The following TNKS variants were observed in gnomAD, a reference collection of about 807,000 sequenced individuals.
The protein encoded by TNKS is tankyrase, also known as poly [ADP-ribose] polymerase tankyrase-1.
In TNKS, 72 loss-of-function variants were observed where a neutral mutation model predicts 135.8. The observed-to-expected ratio is 0.53, with a 90% CI of 0.44 to 0.64. The LOEUF is 0.64. Among genes scored for constraint, TNKS ranks in the 30% least tolerant of loss-of-function variants. The pLI is 0.00. For synonymous variants in TNKS, 849 were observed against 649.3 expected, an observed-to-expected ratio of 1.31 and a Z score of -4.68; for missense variants, 1,769 against 1,674.0, an observed-to-expected ratio of 1.06 and a Z score of -0.99.
At chr8:9,607,026 C>T (rs554595184) in intron 2 of TNKS, among the ~76,000 whole-genome samples, 16 of 152,154 alleles carry the variant, frequency 1.1e-4, no homozygotes, top group African/African-American at 3.6e-4. Flanking sequence ...TTCTAGGGGA[C>T]AAGTTCTCAA....
At chr8:9,556,930 A>G in intron 1 of TNKS, 1 of 516,954 alleles carries the variant, frequency 1.9e-6, no homozygotes, top group Non-Finnish European at 3.4e-6. Context: ...TTAGATTTGG[A>G]CAGCTTTAGA....
At position 9,730,876 on chromosome 8, in the gene TNKS, G is replaced by A. The variant is rs4428677; in HGVS notation, c.2002-14G>A. The A allele has an allele frequency of 9.8e-5, 158 of 1,609,598 alleles. No individual in the cohort carries two copies. The East Asian group carries it at 2.0e-3, about 20-fold the overall frequency. On this transcript the variant is annotated splice_polypyrimidine_tract_variant and intron_variant, in intron 13 of 26. Coordinates refer to ENST00000310430, the MANE Select transcript of TNKS (RefSeq NM_003747.3). ...GTTCGTTTTGTGTTTGTCTTTGTGT[G>A]TGCACCACGAAAGCAACTTTGCAGC...
intron 22 of TNKS, among the ~76,000 whole-genome samples, chr8:9,763,880 T>A (rs937046634): frequency 6.6e-6 from 1 of 152,188 alleles, no homozygotes; most frequent in Admixed American, 6.5e-5. Flanking sequence ...GAAAAAGGTA[T>A]GCCTAATTCT....
rs1388118764 is a variant in TNKS at position 9,779,553 on chromosome 8, G to GC, written c.*2820dup. 1 of 152,098 alleles carries GC rather than the reference G, an allele frequency of 6.6e-6. No homozygotes were observed. Among genetic ancestry groups the GC allele is most frequent in the Non-Finnish European group, 1.5e-5 (1 of 68,032 alleles). 9.4% of individuals were successfully genotyped at this position (152,098 alleles called of 1,614,324 possible). ...TACTTGACTCAGGCATAAATTAAGT[G>GC]CCCTGGTCCCGAACTTTCTCCCTGT... On this transcript the variant is annotated 3_prime_UTR_variant, in exon 27 of 27. Coordinates refer to ENST00000310430, the MANE Select transcript of TNKS (RefSeq NM_003747.3).
chr8:9,679,751 C>A (rs902770694), intron 3 of TNKS, 200 bp from the exon 4 acceptor site: 4 of 510,342 alleles, frequency 7.8e-6, no homozygotes, highest in African/African-American at 7.6e-5. Context: ...GGACAAGAAG[C>A]TGCGTCAATT....
At chr8:9,569,687 T>C (rs1007628388) in intron 1 of TNKS, among the ~76,000 whole-genome samples, 7 of 152,242 alleles carry the variant, frequency 4.6e-5, no homozygotes, top group Non-Finnish European at 8.8e-5. Flanking sequence ...TTTAGTTGTT[T>C]GATAAAAGCA....
At chr8:9,662,500 A>G (rs557835354) in intron 3 of TNKS, among the ~76,000 whole-genome samples, 29 of 152,306 alleles carry the variant, frequency 1.9e-4, no homozygotes, top group African/African-American at 7.0e-4. Flanking sequence ...CAAGGACAAA[A>G]AACCAAACAC....
intron 6 of TNKS, among the ~76,000 whole-genome samples, chr8:9,705,542 A>G (rs1804001600): frequency 6.6e-6 from 1 of 152,198 alleles, no homozygotes; most frequent in African/African-American, 2.4e-5. Context: ...TGAGACACTT[A>G]CCAGAAGAAT....
At chr8:9,704,467 G>T (rs942060437) in intron 5 of TNKS, among the ~76,000 whole-genome samples, 196 bp from the exon 6 acceptor site, 1 of 152,112 alleles carries the variant, frequency 6.6e-6, no homozygotes, top group African/African-American at 2.4e-5. Flanking sequence ...AGTGAAATAG[G>T]TGGATGGCAC....
At chr8:9,687,511 T>G (rs1803059653) in intron 5 of TNKS, among the ~76,000 whole-genome samples, 1 of 152,230 alleles carries the variant, frequency 6.6e-6, no homozygotes, top group African/African-American at 2.4e-5. Flanking sequence ...GGGAATTGCT[T>G]CTACGAAAAC....
Position 9,748,006 on chromosome 8 carries a change from C to G in TNKS, c.2644-18C>G, listed in dbSNP as rs1181540607. On this transcript the variant is annotated intron_variant, in intron 17 of 26. Transcript: ENST00000310430. The stretch of plus-strand genomic sequence containing the variant: ...TGATCTCATTCTTAACTCTTTGTAT[C>G]CTTTTCTTTTTTTTCAGCATGTTGA... 4 of 1,591,984 alleles carry G rather than the reference C, an allele frequency of 2.5e-6. No homozygotes were observed. Among genetic ancestry groups the G allele is most frequent in the East Asian group, 2.3e-5 (1 of 44,172 alleles).
At chr8:9,766,465 G>C in intron 25 of TNKS, 40 bp downstream of exon 25, 3 of 1,388,952 alleles carry the variant, frequency 2.2e-6, no homozygotes, top group Non-Finnish European at 2.9e-6. Context: ...CCCACCCCTA[G>C]GTCACGAACC....
chr8:9,642,673 T>A (rs2128777224), intron 3 of TNKS, among the ~76,000 whole-genome samples: 1 of 146,476 alleles, frequency 6.8e-6, no homozygotes, highest in East Asian at 2.1e-4. Context: ...TTTTTCTTTT[T>A]TTAGCCCTAA....
Position 9,781,033 on chromosome 8 carries a change from C to T in TNKS, c.*4297C>T, listed in dbSNP as rs1808438453. The T allele has an allele frequency of 1.3e-5, 2 of 152,114 alleles. No homozygotes were observed. The highest frequency in any genetic ancestry group is 1.3e-4 in the Admixed American group (2 of 15,266). 9.4% of individuals were successfully genotyped at this position (152,114 alleles called of 1,614,324 possible). A position where few individuals can be genotyped will look rare whatever the true frequency, so the allele number is the denominator to read the frequency against. The stretch of plus-strand genomic sequence containing the variant: ...TTTTAAAATGTAAATTATGGTTATG[C>T]TAAAGTGAAAACCTAGAGGAAGCTA... On this transcript the variant is annotated 3_prime_UTR_variant, in exon 27 of 27. Transcript: ENST00000310430.
rs1220973391 is a variant in TNKS, at chr8:9,708,229, TATC to T, written c.1457-136_1457-134del. The T allele has an allele frequency of 3.4e-5, 24 of 713,282 alleles. No individual in the cohort carries two copies. The South Asian group carries it at 4.4e-4, about 13-fold the overall frequency. 44.2% of individuals were successfully genotyped at this position (713,282 alleles called of 1,614,324 possible). ...TCTACATCCTCATCTTTTGCATTTT[TATC>T]ATCATATTATCACATTGCTGCTGTT... On this transcript the variant is annotated intron_variant, in intron 8 of 26. Transcript: ENST00000310430.
intron 3 of TNKS, among the ~76,000 whole-genome samples, chr8:9,667,148 A>G (rs115593202): frequency 3.5e-4 from 54 of 152,338 alleles, no homozygotes; most frequent in African/African-American, 1.2e-3. Context: ...GAATACTCAA[A>G]AACACTTTCT....
At position 9,672,496 on chromosome 8, in the gene TNKS, T is replaced by G. The variant is rs144482089; in HGVS notation, c.995-7455T>G. ...CTGAGTTTTTAGAGCTTTTTGGGTT[T>G]CAGATTTGCAAACAAGGGAGTGTGA... On this transcript the variant is annotated intron_variant, in intron 3 of 26. Transcript: ENST00000310430. Among the ~76,000 whole-genome samples, 437 of 152,068 alleles carry G rather than the reference T, an allele frequency of 2.9e-3. 3 individuals are homozygous for G. The highest frequency in any genetic ancestry group is 1.0e-2 in the African/African-American group (414 of 41,500).
intron 3 of TNKS, among the ~76,000 whole-genome samples, chr8:9,659,757 G>A (rs965926412): frequency 1.3e-5 from 2 of 152,166 alleles, no homozygotes; most frequent in African/African-American, 4.8e-5. Context: ...GAAGGAGATA[G>A]AGACACAAAA....
At chr8:9,617,068 C>T (rs1471598882) in intron 3 of TNKS, among the ~76,000 whole-genome samples, 1 of 152,214 alleles carries the variant, frequency 6.6e-6, no homozygotes, top group Admixed American at 6.5e-5. Flanking sequence ...TCAACACCCG[C>T]TTTGTCCATT....
Sources: allele counts gnomAD v4.1 joint callset (sites outside exome capture counted in the v4.1 genomes callset), GRCh38; gene constraint gnomAD v4.1.1; transcripts MANE v1.5; gene names NCBI Gene and HGNC (gene_info 2026-07-23, HGNC 2026-07-21).